The following CHSY3 variants were observed in gnomAD, a reference collection of about 807,000 sequenced individuals.
The protein encoded by CHSY3 is chondroitin sulfate synthase 3, also known as N-acetylgalactosaminyl-proteoglycan 3-beta-glucuronosyltransferase 3.
A neutral mutation model predicts 67.2 loss-of-function variants in CHSY3; 35 were observed. The ratio of observed to expected loss-of-function variants is 0.52; its 90% CI spans 0.40 to 0.69. CHSY3 has a LOEUF of 0.69. Among genes scored for constraint, CHSY3 ranks in the 30% least tolerant of loss-of-function variants. CHSY3 has a pLI of 0.00. For synonymous variants in CHSY3, 474 were observed against 434.7 expected (o/e 1.09, Z -1.12); for missense variants, 1,069 against 1,138.5 (o/e 0.94, Z 0.88).
At chr5:130,022,876 G>A (rs1764433689) in intron 2 of CHSY3, among the ~76,000 whole-genome samples, 1 of 151,702 alleles carries the variant, frequency 6.6e-6, no homozygotes, top group Admixed American at 6.6e-5. Context: ...TTCTAAAAGG[G>A]GTCCATGAAA....
At chr5:129,922,142 G>T (rs144398346) in intron 2 of CHSY3, among the ~76,000 whole-genome samples, 1 of 152,142 alleles carries the variant, frequency 6.6e-6, no homozygotes, top group Non-Finnish European at 1.5e-5. Context: ...TGTTCTATCC[G>T]TGTTGTTGCA....
chr5:129,905,813 G>C (rs1350456546), intron 1 of CHSY3, 182 bp downstream of exon 1: 5 of 1,302,786 alleles, frequency 3.8e-6, no homozygotes, highest in Non-Finnish European at 2.0e-6. Context: ...CCCGTTCCTC[G>C]TCTTCTGCAA....
chr5:130,035,892 T>TTTTTG (rs1189236112), intron 2 of CHSY3, among the ~76,000 whole-genome samples: 1 of 147,072 alleles, frequency 6.8e-6, no homozygotes, highest in African/African-American at 2.5e-5. Context: ...GGTTGTTTTT[T>TTTTTG]TTTTTTTTTT....
At chr5:130,069,255 A>G (rs1397972187) in intron 2 of CHSY3, among the ~76,000 whole-genome samples, 1 of 152,080 alleles carries the variant, frequency 6.6e-6, no homozygotes, top group Non-Finnish European at 1.5e-5. Context: ...CTATAAGACT[A>G]TGTAAACAGA....
intron 2 of CHSY3, chr5:130,001,879 A>G (rs571065475): frequency 5.1e-5 from 47 of 930,358 alleles, no homozygotes; most frequent in Admixed American, 6.2e-5. Flanking sequence ...GTGTGTAACC[A>G]AAAGGTAATG....
chr5:130,053,400 G>A (rs1765428717), intron 2 of CHSY3, among the ~76,000 whole-genome samples: 1 of 152,112 alleles, frequency 6.6e-6, no homozygotes, highest in African/African-American at 2.4e-5. Flanking sequence ...TAGTGAATTG[G>A]AGGTGGGAAG....
In CHSY3 at chr5:130,178,253, A is replaced by ATTTTTTT. The variant is rs10699248; in HGVS notation, c.1087-5965_1087-5959dup. ...TATATATATATATATATATATATAT[A>ATTTTTTT]TTTTTTTTTTTTTTTTTCCTGAGAC... On this transcript the variant is annotated intron_variant, in intron 2 of 2. Transcript: ENST00000305031. Among the ~76,000 whole-genome samples the ATTTTTTT allele has an allele frequency of 2.8e-4, 13 of 45,912 alleles. 1 individual carries two copies. Among genetic ancestry groups the ATTTTTTT allele is most frequent in the African/African-American group, 1.0e-3 (10 of 9,866 alleles). The allele number at this position is 45,912 out of a possible 152,430, so 30.1% of individuals were successfully genotyped here. A position where few individuals can be genotyped will look rare whatever the true frequency, so the allele number is the denominator to read the frequency against.
chr5:130,015,339 A>G (rs1208168996), intron 2 of CHSY3, among the ~76,000 whole-genome samples: 2 of 152,172 alleles, frequency 1.3e-5, no homozygotes, highest in Admixed American at 1.3e-4. Context: ...TATCAGGTAT[A>G]TCTTCACAGC....
chr5:130,093,720 T>C (rs1043569409), intron 2 of CHSY3, among the ~76,000 whole-genome samples: 11 of 152,196 alleles, frequency 7.2e-5, no homozygotes, highest in African/African-American at 2.7e-4. Context: ...CCTTCTCTGC[T>C]TGATTATATC....
chr5:130,124,213 G>C (rs558632299), intron 2 of CHSY3, among the ~76,000 whole-genome samples: 1 of 152,184 alleles, frequency 6.6e-6, no homozygotes, highest in South Asian at 2.1e-4. Context: ...GTGGTTGCAG[G>C]ACAGTATCTT....
chr5:130,179,939 G>T (rs982713761), intron 2 of CHSY3, among the ~76,000 whole-genome samples: 1 of 152,176 alleles, frequency 6.6e-6, no homozygotes, highest in Non-Finnish European at 1.5e-5. Context: ...CGTGCTTCAT[G>T]AAACTAGGGT....
intron 2 of CHSY3, among the ~76,000 whole-genome samples, chr5:130,029,140 C>T (rs1224866703): frequency 6.6e-5 from 10 of 152,208 alleles, no homozygotes; most frequent in South Asian, 2.1e-4. Context: ...TTGCCCCAAT[C>T]GTCACAGAAG....
At chr5:129,926,534 A>G (rs1341360986) in intron 2 of CHSY3, among the ~76,000 whole-genome samples, 2 of 151,974 alleles carry the variant, frequency 1.3e-5, no homozygotes, top group Non-Finnish European at 2.9e-5. Flanking sequence ...GGTTATGTTA[A>G]GATTCATGTG....
chr5:129,905,365 C>A lies in CHSY3; in HGVS notation c.536C>A (p.Thr179Asn), dbSNP rs1177751336. Residue 179 changes from threonine to asparagine, a missense_variant, in exon 1 of 3, where the codon ACC (threonine) becomes AAC (asparagine). This residue lies in a region of CHSY3 where 216 missense variants were observed against 311.5 expected (regional missense o/e 0.69). Coordinates refer to ENST00000305031, the MANE Select transcript of CHSY3 (RefSeq NM_175856.5). ...GACTTCCTGTACGTGGGGGTGATGA[C>A]CGCGCAGAAGTACCTGGGCAGCCGC... ...PRDFLYVGVM[T>N]AQKYLGSRAL... is the part of the protein sequence containing the mutation. 6.3e-7 allele frequency: 1 copy of A among 1,581,164 alleles called. No individual in the cohort carries two copies. The highest frequency in any genetic ancestry group is 8.6e-7 in the Non-Finnish European group (1 of 1,166,654).
intron 2 of CHSY3, among the ~76,000 whole-genome samples, chr5:130,062,582 G>T (rs575098353): frequency 6.6e-6 from 1 of 151,936 alleles, no homozygotes; most frequent in Admixed American, 6.6e-5. Flanking sequence ...ACTTGTTTTC[G>T]TACTTTAAGT....
At chr5:130,039,332 A>C (rs1764944938) in intron 2 of CHSY3, among the ~76,000 whole-genome samples, 1 of 152,068 alleles carries the variant, frequency 6.6e-6, no homozygotes, top group African/African-American at 2.4e-5. Context: ...ACAAAAAATA[A>C]GAATAAAAAT....
chr5:129,950,036 C>T (rs190630992), intron 2 of CHSY3, among the ~76,000 whole-genome samples: 345 of 151,802 alleles, frequency 2.3e-3, no homozygotes, highest in African/African-American at 7.3e-3. Flanking sequence ...TGGTGGCAGG[C>T]GCCTGTAGTC....
intron 2 of CHSY3, chr5:129,974,800 G>A (rs967718063): frequency 2.6e-4 from 39 of 152,104 alleles, no homozygotes; most frequent in African/African-American, 7.0e-4. Context: ...TCTGTAGAAA[G>A]GATCTAAATT....
intron 2 of CHSY3, among the ~76,000 whole-genome samples, chr5:130,153,478 C>T (rs888784275): frequency 6.6e-6 from 1 of 152,152 alleles, no homozygotes; most frequent in Non-Finnish European, 1.5e-5. Context: ...TCTCCTATTA[C>T]CTCTCTTCCC....
Sources: allele counts gnomAD v4.1 joint callset (sites outside exome capture counted in the v4.1 genomes callset), GRCh38; gene constraint gnomAD v4.1.1; regional missense constraint gnomAD v4.1.1; transcripts MANE v1.5; gene names NCBI Gene and HGNC (gene_info 2026-07-23, HGNC 2026-07-21).